The following RSRC1 variants were observed in gnomAD, a reference collection of about 807,000 sequenced individuals.
The protein encoded by RSRC1 is serine/Arginine-related protein 53.
RSRC1 carries 39 observed loss-of-function variants against 49.1 expected under a neutral mutation model. The ratio of observed to expected loss-of-function variants is 0.79; its 90% CI spans 0.61 to 1.04. The LOEUF (loss-of-function observed/expected upper bound fraction) is 1.04. Among genes scored for constraint, RSRC1 ranks in the 50% least tolerant of loss-of-function variants. RSRC1 has a pLI of 0.00. For synonymous variants in RSRC1, 143 were observed against 130.8 expected (o/e 1.09, Z -0.63); for missense variants, 388 against 402.4 (o/e 0.96, Z 0.31).
chr3:158,144,314 G>A (rs1322125996), intron 3 of RSRC1, among the ~76,000 whole-genome samples: 3 of 151,748 alleles, frequency 2.0e-5, no homozygotes, highest in African/African-American at 7.3e-5. Context: ...TCCCCGGTGT[G>A]TGATGTTCCC....
chr3:158,248,902 C>CCA (rs36028763), intron 4 of RSRC1, among the ~76,000 whole-genome samples: 72,190 of 151,738 alleles, frequency 0.48, 17,705 homozygotes, highest in East Asian at 0.64. Flanking sequence ...AGGCCTAGTA[C>CCA]CACTGTACAT....
intron 5 of RSRC1, 143 bp downstream of exon 5, chr3:158,298,218 G>A: frequency 1.7e-6 from 1 of 575,274 alleles, no homozygotes; most frequent in South Asian, 3.0e-5. Flanking sequence ...TTATGTGAAG[G>A]CACTTACATT....
intron 3 of RSRC1, among the ~76,000 whole-genome samples, chr3:158,135,272 ATT>A (rs10626579): frequency 2.1e-5 from 3 of 144,272 alleles, no homozygotes; most frequent in Non-Finnish European, 3.0e-5. Context: ...TTATAGTGTA[ATT>A]TTTTTTTTTT....
At chr3:158,341,994 T>C (rs1730272759) in intron 5 of RSRC1, among the ~76,000 whole-genome samples, 2 of 152,206 alleles carry the variant, frequency 1.3e-5, no homozygotes, top group Admixed American at 1.3e-4. Context: ...AACCCCTTTC[T>C]TTTGGCCAGT....
intron 7 of RSRC1, among the ~76,000 whole-genome samples, chr3:158,488,815 T>A (rs190653766): frequency 1.2e-4 from 19 of 152,346 alleles, no homozygotes; most frequent in African/African-American, 4.3e-4. Flanking sequence ...TGCCTTTATC[T>A]AATTGCTATC....
At chr3:158,473,430 G>T (rs1026014815) in intron 7 of RSRC1, among the ~76,000 whole-genome samples, 1 of 152,010 alleles carries the variant, frequency 6.6e-6, no homozygotes, top group Non-Finnish European at 1.5e-5. Flanking sequence ...ACCAAACACT[G>T]CATGTTCTTA....
At chr3:158,399,434 G>T (rs1578428531) in intron 6 of RSRC1, among the ~76,000 whole-genome samples, 1 of 35,780 alleles carries the variant, frequency 2.8e-5, no homozygotes, top group African/African-American at 1.6e-4. Flanking sequence ...GGGATTACAG[G>T]CGTGAGCCAC....
rs1734154271 is a variant in RSRC1, at chr3:158,406,164, AC to A, written c.583+51257del. 2.0e-5 allele frequency among the ~76,000 whole-genome samples: 3 copies of A among 152,192 alleles called. No homozygotes were observed. In the Middle Eastern group the frequency reaches 0.01, roughly 521 times the overall value. ...TTGAAATATTATTGCCTATTTGAAA[AC>A]TATGAATATTGCTATTATTGTTCAT... On this transcript the variant is annotated intron_variant, in intron 6 of 9. Transcript: ENST00000611884.
intron 4 of RSRC1, among the ~76,000 whole-genome samples, chr3:158,282,428 C>G (rs1047781797): frequency 6.6e-6 from 1 of 152,200 alleles, no homozygotes; most frequent in African/African-American, 2.4e-5. Flanking sequence ...AACTGCTCAG[C>G]ACTGTATCTC....
At chr3:158,308,282 G>A (rs564364218) in intron 5 of RSRC1, among the ~76,000 whole-genome samples, 108 of 151,896 alleles carry the variant, frequency 7.1e-4, no homozygotes, top group Non-Finnish European at 1.4e-3. Context: ...TAATTTGATC[G>A]TAGCTGATGA....
intron 4 of RSRC1, among the ~76,000 whole-genome samples, chr3:158,268,312 CT>C (rs1405182533): frequency 6.6e-6 from 1 of 152,166 alleles, no homozygotes; most frequent in Non-Finnish European, 1.5e-5. Context: ...TCTCTGGCTA[CT>C]TTTTGCTGGA....
At chr3:158,286,491 G>T (rs1726570037) in intron 4 of RSRC1, among the ~76,000 whole-genome samples, 1 of 152,206 alleles carries the variant, frequency 6.6e-6, no homozygotes, top group South Asian at 2.1e-4. Context: ...TCTCTGAGAA[G>T]GTCAGTTCAC....
intron 6 of RSRC1, among the ~76,000 whole-genome samples, chr3:158,410,403 A>T (rs569368017): frequency 6.6e-6 from 1 of 152,296 alleles, no homozygotes; most frequent in East Asian, 1.9e-4. Flanking sequence ...CATTCCTGAC[A>T]CCTAACACTA....
chr3:158,534,652 G>A (rs1359984254), intron 7 of RSRC1, among the ~76,000 whole-genome samples: 1 of 151,518 alleles, frequency 6.6e-6, no homozygotes, highest in African/African-American at 2.4e-5. Context: ...ACACATGCAC[G>A]TGGCTATTTA....
At chr3:158,317,297 C>A (rs1412784977) in intron 5 of RSRC1, among the ~76,000 whole-genome samples, 1 of 152,116 alleles carries the variant, frequency 6.6e-6, no homozygotes, top group Non-Finnish European at 1.5e-5. Flanking sequence ...GGCGTGATCT[C>A]GGCTCACTGC....
intron 1 of RSRC1, among the ~76,000 whole-genome samples, chr3:158,116,457 G>T (rs1327758405): frequency 6.6e-6 from 1 of 152,066 alleles, no homozygotes; most frequent in Non-Finnish European, 1.5e-5. Context: ...AAAAAGATGT[G>T]TATGTACTCG....
chr3:158,143,105 G>A (rs1716854292), intron 3 of RSRC1, among the ~76,000 whole-genome samples: 1 of 152,192 alleles, frequency 6.6e-6, no homozygotes, highest in African/African-American at 2.4e-5. Context: ...TCTACCTCCA[G>A]AAGAAGAGTT....
At chr3:158,286,267 C>G (rs1271683758) in intron 4 of RSRC1, among the ~76,000 whole-genome samples, 2 of 152,114 alleles carry the variant, frequency 1.3e-5, no homozygotes, top group Non-Finnish European at 2.9e-5. Context: ...TAAATTCTCC[C>G]TTGACTAAAG....
At chr3:158,461,710 G>T (rs958944132) in intron 7 of RSRC1, among the ~76,000 whole-genome samples, 1 of 151,740 alleles carries the variant, frequency 6.6e-6, no homozygotes, top group Admixed American at 6.6e-5. Flanking sequence ...TGCTTAGAAT[G>T]GCAATCATGT....
Sources: gnomAD v4.1 joint callset for allele counts (sites outside exome capture counted in the v4.1 genomes callset) on GRCh38, gnomAD v4.1.1 for gene constraint, MANE v1.5 for transcripts, NCBI Gene and HGNC (gene_info 2026-07-23, HGNC 2026-07-21) for gene names.